DYNC1I1: variants seen among roughly 807,000 people sequenced by gnomAD.
DYNC1I1 encodes dynein cytoplasmic 1 intermediate chain 1.
Under a neutral mutation model 86.6 loss-of-function variants are expected in DYNC1I1, and 43 were observed. That is an observed-to-expected ratio of 0.50 (90% CI 0.39 to 0.64). The LOEUF (loss-of-function observed/expected upper bound fraction) is 0.64, where lower values mean the gene tolerates loss of function less well. Ranked by LOEUF, DYNC1I1 falls within the 30% of genes least tolerant of loss-of-function variation. DYNC1I1 has a pLI of 0.00. For synonymous variants in DYNC1I1, 262 were observed against 283.7 expected (o/e 0.92, Z 0.77); for missense variants, 604 against 788.8 (o/e 0.77, Z 2.81).
At chr7:96,057,569 A>G (rs956687116) in intron 14 of DYNC1I1, among the ~76,000 whole-genome samples, 5 of 152,202 alleles carry the variant, frequency 3.3e-5, no homozygotes, top group South Asian at 2.1e-4. Context: ...CAACACTCCT[A>G]TAGTCAGAAA....
chr7:95,972,929 T>C (rs1023838255), intron 6 of DYNC1I1, among the ~76,000 whole-genome samples: 1 of 152,196 alleles, frequency 6.6e-6, no homozygotes, highest in Non-Finnish European at 1.5e-5. Context: ...CAGCAGAATA[T>C]GGGTATTAAA....
At chr7:96,076,328 C>T in intron 15 of DYNC1I1, 131 bp downstream of exon 15, 6 of 1,347,150 alleles carry the variant, frequency 4.5e-6, no homozygotes, top group Non-Finnish European at 5.9e-6. Context: ...GGCTGCCGGC[C>T]CCCATTCTTG....
intron 10 of DYNC1I1, among the ~76,000 whole-genome samples, chr7:96,018,210 G>C (rs1794447849): frequency 6.6e-6 from 1 of 152,204 alleles, no homozygotes; most frequent in Non-Finnish European, 1.5e-5. Flanking sequence ...CAGTCCCACA[G>C]AGGTGAGGAA....
At chr7:95,877,282 T>C (rs1790335560) in intron 6 of DYNC1I1, among the ~76,000 whole-genome samples, 2 of 152,228 alleles carry the variant, frequency 1.3e-5, no homozygotes, top group South Asian at 4.1e-4. Flanking sequence ...ATGGAGATTT[T>C]ACCTTGGCTT....
chr7:95,852,553 G>T (rs905799482), intron 5 of DYNC1I1, among the ~76,000 whole-genome samples: 1 of 151,674 alleles, frequency 6.6e-6, no homozygotes, highest in South Asian at 2.1e-4. Context: ...TGTCGCCCAG[G>T]CTGGAGGTAA....
At chr7:95,905,987 T>C (rs1188945454) in intron 6 of DYNC1I1, among the ~76,000 whole-genome samples, 1 of 152,206 alleles carries the variant, frequency 6.6e-6, no homozygotes, top group African/African-American at 2.4e-5. Flanking sequence ...GACATGCTTC[T>C]TAGCAACAGG....
chr7:95,997,725 A>T (rs1343413581), intron 10 of DYNC1I1, among the ~76,000 whole-genome samples: 4 of 151,736 alleles, frequency 2.6e-5, no homozygotes, highest in Non-Finnish European at 4.4e-5. Context: ...TATACTCGTG[A>T]TTTTAAAAAA....
intron 7 of DYNC1I1, among the ~76,000 whole-genome samples, chr7:95,983,582 G>A (rs1793509423): frequency 6.6e-6 from 1 of 152,144 alleles, no homozygotes; most frequent in Admixed American, 6.6e-5. Flanking sequence ...TGACTCTGTA[G>A]AAGGGCTTCT....
At chr7:95,781,926 T>G (rs1353641947) in intron 1 of DYNC1I1, among the ~76,000 whole-genome samples, 1 of 152,148 alleles carries the variant, frequency 6.6e-6, no homozygotes, top group Non-Finnish European at 1.5e-5. Context: ...GGAGTGAATT[T>G]GATCAGGCTA....
At chr7:95,841,216 T>C (rs1222942608) in intron 5 of DYNC1I1, among the ~76,000 whole-genome samples, 2 of 152,206 alleles carry the variant, frequency 1.3e-5, no homozygotes, top group Non-Finnish European at 2.9e-5. Flanking sequence ...AAGGAGAAGC[T>C]ATAGGCTTGG....
chr7:96,065,945 G>A (rs1194115516), intron 14 of DYNC1I1, among the ~76,000 whole-genome samples: 1 of 152,172 alleles, frequency 6.6e-6, no homozygotes, highest in Non-Finnish European at 1.5e-5. Context: ...ACACTCTTGT[G>A]AATGTTAAAC....
rs561984753 is a variant in DYNC1I1, at chr7:95,892,570, C to T, written c.490+22572C>T. On this transcript the variant is annotated intron_variant, in intron 6 of 16. Transcript: ENST00000447467. ...TCATGATCCTCCTGCCTCAGCCTCC[C>T]AAAGTGCTGGGATTACAGGTGTAAG... Among the ~76,000 whole-genome samples, 10 of 152,298 alleles carry T rather than the reference C, an allele frequency of 6.6e-5. No homozygotes were observed. The South Asian group carries it at 2.1e-3, about 32-fold the overall frequency.
At chr7:96,019,954 T>G (rs543913666) in intron 10 of DYNC1I1, among the ~76,000 whole-genome samples, 4 of 152,008 alleles carry the variant, frequency 2.6e-5, no homozygotes, top group Admixed American at 2.6e-4. Context: ...CTAATTCAAA[T>G]CTTCCAACAG....
rs544349096 is a variant in DYNC1I1 at position 95,896,893 on chromosome 7, C to T, written c.490+26895C>T. On this transcript the variant is annotated intron_variant, in intron 6 of 16. Transcript: ENST00000447467. ...AACTGAAGGGCATGTTTTTAAATTT[C>T]TAAAACCCCAAATATGTCAAATGTT... 2.0e-5 allele frequency among the ~76,000 whole-genome samples: 3 copies of T among 152,300 alleles called. No homozygotes were observed. In the South Asian group the frequency reaches 6.2e-4, roughly 32 times the overall value.
intron 16 of DYNC1I1, among the ~76,000 whole-genome samples, chr7:96,090,914 T>C (rs759857021): frequency 3.9e-5 from 6 of 152,204 alleles, no homozygotes; most frequent in African/African-American, 1.4e-4. Context: ...GTTTCATCCA[T>C]TGTTAGCTGC....
chr7:95,898,132 C>T (rs1020100123), intron 6 of DYNC1I1, among the ~76,000 whole-genome samples: 1 of 150,460 alleles, frequency 6.6e-6, no homozygotes, highest in African/African-American at 2.5e-5. Flanking sequence ...GGTTAGATGG[C>T]CACGCACGGC....
intron 10 of DYNC1I1, among the ~76,000 whole-genome samples, chr7:96,005,740 C>T (rs374832597): frequency 5.9e-5 from 9 of 152,110 alleles, no homozygotes; most frequent in East Asian, 1.9e-4. Context: ...ACTGGAAGAA[C>T]GCTCACTCAA....
intron 6 of DYNC1I1, among the ~76,000 whole-genome samples, chr7:95,884,103 C>T (rs1338747451): frequency 6.6e-6 from 1 of 152,110 alleles, no homozygotes; most frequent in African/African-American, 2.4e-5. Context: ...CGTCTTGACC[C>T]ATTTTCCTCC....
chr7:96,105,148 A>G (rs575088127), intron 16 of DYNC1I1, among the ~76,000 whole-genome samples: 20 of 151,950 alleles, frequency 1.3e-4, no homozygotes, highest in African/African-American at 4.3e-4. Context: ...GTTTGTAGAA[A>G]TTTAGTTTTG....
Sources: allele counts gnomAD v4.1 joint callset (sites outside exome capture counted in the v4.1 genomes callset), GRCh38; gene constraint gnomAD v4.1.1; transcripts MANE v1.5; gene names NCBI Gene and HGNC (gene_info 2026-07-23, HGNC 2026-07-21).